LOC128092253: variants seen among roughly 807,000 people sequenced by gnomAD.
chr6:133,976,735 A>G, the LOC128092253 span, among the ~76,000 whole-genome samples: 1 of 152,170 alleles, frequency 6.6e-6, no homozygotes, highest in Non-Finnish European at 1.5e-5. Context: ...CACACCTGTA[A>G]TCCCAGCACT....
the LOC128092253 span, among the ~76,000 whole-genome samples, chr6:133,972,373 G>A: frequency 6.6e-6 from 1 of 152,152 alleles, no homozygotes; most frequent in Non-Finnish European, 1.5e-5. Context: ...CAAGGACCAT[G>A]TTATACAGAC....
At chr6:133,975,193 A>T in the LOC128092253 span, among the ~76,000 whole-genome samples, 2 of 152,200 alleles carry the variant, frequency 1.3e-5, no homozygotes, top group Admixed American at 1.3e-4. Context: ...CGAGAGCAAT[A>T]AAAAGCAGGA....
the LOC128092253 span, among the ~76,000 whole-genome samples, chr6:133,956,406 T>A: frequency 6.6e-6 from 1 of 152,190 alleles, no homozygotes; most frequent in Non-Finnish European, 1.5e-5. Flanking sequence ...CACTTGTAGG[T>A]AGCAGAGAAA....
the LOC128092253 span, among the ~76,000 whole-genome samples, chr6:133,963,018 C>G: frequency 6.6e-6 from 1 of 152,246 alleles, no homozygotes; most frequent in African/African-American, 2.4e-5. Flanking sequence ...GCTTTATGCT[C>G]TAGAGTAGGA....
chr6:133,969,447 A>G, the LOC128092253 span, among the ~76,000 whole-genome samples: 2 of 152,144 alleles, frequency 1.3e-5, no homozygotes, highest in Non-Finnish European at 2.9e-5. Context: ...ATTGAGTCTC[A>G]TAGATAGTAG....
the LOC128092253 span, among the ~76,000 whole-genome samples, chr6:133,958,296 G>A: frequency 6.6e-6 from 1 of 152,170 alleles, no homozygotes; most frequent in Non-Finnish European, 1.5e-5. Context: ...TTTTTTACTT[G>A]TATAACCTTA....
At chr6:133,954,845 C>T in the LOC128092253 span, among the ~76,000 whole-genome samples, 2 of 152,126 alleles carry the variant, frequency 1.3e-5, no homozygotes, top group African/African-American at 4.8e-5. Flanking sequence ...TGACCTATTA[C>T]TATGTGCCCT....
At chr6:133,964,146 C>G in the LOC128092253 span, among the ~76,000 whole-genome samples, 2 of 152,246 alleles carry the variant, frequency 1.3e-5, no homozygotes, top group East Asian at 3.9e-4. Flanking sequence ...ATTACTCACC[C>G]TACTGTTGTG....
At chr6:133,976,517 C>T in the LOC128092253 span, among the ~76,000 whole-genome samples, 6 of 152,120 alleles carry the variant, frequency 3.9e-5, no homozygotes, top group African/African-American at 1.4e-4. Context: ...TTTCCTTTAG[C>T]TGTTTTATTG....
chr6:133,978,770 T>G, the LOC128092253 span, among the ~76,000 whole-genome samples: 151,170 of 152,330 alleles, frequency 0.99, 75,014 homozygotes, highest in East Asian at 1. Flanking sequence ...ATCAGAAACT[T>G]AAAGGCAGAG....
At chr6:133,969,415 A>C in the LOC128092253 span, among the ~76,000 whole-genome samples, 1 of 152,178 alleles carries the variant, frequency 6.6e-6, no homozygotes, top group East Asian at 1.9e-4. Context: ...CCTGCTTAAC[A>C]GTCTTCAGAC....
the LOC128092253 span, among the ~76,000 whole-genome samples, chr6:133,976,051 A>G: frequency 6.6e-6 from 1 of 152,222 alleles, no homozygotes; most frequent in Non-Finnish European, 1.5e-5. Context: ...TAAAAAAATC[A>G]TGTATAAACC....
the LOC128092253 span, among the ~76,000 whole-genome samples, chr6:133,978,407 T>G: frequency 6.6e-6 from 1 of 152,234 alleles, no homozygotes; most frequent in Non-Finnish European, 1.5e-5. Context: ...ACAGGTTACA[T>G]AACTTGCCCA....
At chr6:133,971,478 A>G in the LOC128092253 span, among the ~76,000 whole-genome samples, 1 of 152,110 alleles carries the variant, frequency 6.6e-6, no homozygotes, top group Non-Finnish European at 1.5e-5. Context: ...TAATTTTTTG[A>G]GGAACTTCTA....
At chr6:133,972,666 A>G in the LOC128092253 span, among the ~76,000 whole-genome samples, 1 of 143,510 alleles carries the variant, frequency 7.0e-6, no homozygotes, top group Non-Finnish European at 1.5e-5. Context: ...TGCCTAACCT[A>G]TTATGATCTT....
the LOC128092253 span, among the ~76,000 whole-genome samples, chr6:133,978,023 T>C: frequency 1.6e-4 from 25 of 152,326 alleles, no homozygotes; most frequent in African/African-American, 5.8e-4. Context: ...CAGTTGGCTA[T>C]ACCAGTTGTT....
At chr6:133,968,569 G>C in the LOC128092253 span, among the ~76,000 whole-genome samples, 2 of 152,150 alleles carry the variant, frequency 1.3e-5, no homozygotes, top group African/African-American at 4.8e-5. Flanking sequence ...AGAGGTAAAT[G>C]GTATTGTGTT....
the LOC128092253 span, among the ~76,000 whole-genome samples, chr6:133,975,574 G>A: frequency 3.5e-3 from 537 of 152,186 alleles, 2 homozygotes; most frequent in African/African-American, 0.011. Context: ...TAATCTTGAT[G>A]CTCAAACCAG....
At chr6:133,959,053 T>G in the LOC128092253 span, among the ~76,000 whole-genome samples, 1 of 152,158 alleles carries the variant, frequency 6.6e-6, no homozygotes, top group Non-Finnish European at 1.5e-5. Flanking sequence ...ATTTTTTTTT[T>G]GTTTGAGACA....
Sources: allele counts gnomAD v4.1 joint callset (sites outside exome capture counted in the v4.1 genomes callset), GRCh38; gene constraint gnomAD v4.1.1; transcripts MANE v1.5.